Variants in CNTNAP5 observed in about 807,000 individuals in gnomAD.
CNTNAP5 encodes the protein contactin associated protein family member 5.
A neutral mutation model predicts 150.2 loss-of-function variants in CNTNAP5; 72 were observed. The ratio of observed to expected loss-of-function variants is 0.48; its 90% CI spans 0.40 to 0.58. The LOEUF (loss-of-function observed/expected upper bound fraction) is 0.58. Among genes scored for constraint, CNTNAP5 ranks in the 20% least tolerant of loss-of-function variants. The pLI, the probability that CNTNAP5 is intolerant of heterozygous loss-of-function variation, is 0.00. For synonymous variants in CNTNAP5, 672 were observed against 619.8 expected, an observed-to-expected ratio of 1.08 and a Z score of -1.25; for missense variants, 1,636 against 1,626.2, an observed-to-expected ratio of 1.01 and a Z score of -0.10.
intron 1 of CNTNAP5, among the ~76,000 whole-genome samples, chr2:124,153,870 C>G (rs903845422): frequency 5.9e-5 from 9 of 151,908 alleles, no homozygotes; most frequent in African/African-American, 2.2e-4. Flanking sequence ...GCCTCGGCCT[C>G]CAAAAGTGCT....
chr2:124,665,164 G>A (rs1678672002), intron 13 of CNTNAP5, among the ~76,000 whole-genome samples: 1 of 151,932 alleles, frequency 6.6e-6, no homozygotes, highest in African/African-American at 2.4e-5. Context: ...GAAATCAAAG[G>A]GTATATTTAC....
chr2:124,122,026 T>C (rs1683574500), intron 1 of CNTNAP5, among the ~76,000 whole-genome samples: 1 of 152,186 alleles, frequency 6.6e-6, no homozygotes, highest in African/African-American at 2.4e-5. Context: ...TCATACCAGC[T>C]AATTCATGAT....
At chr2:124,809,586 T>TA (rs58645703) in intron 19 of CNTNAP5, among the ~76,000 whole-genome samples, 1 of 150,402 alleles carries the variant, frequency 6.6e-6, no homozygotes, top group African/African-American at 2.4e-5. Context: ...ACATGATCTT[T>TA]AAAAAAAAAC....
intron 10 of CNTNAP5, among the ~76,000 whole-genome samples, chr2:124,538,589 G>A (rs1366479717): frequency 7.4e-6 from 1 of 135,912 alleles, no homozygotes; most frequent in African/African-American, 2.7e-5. Flanking sequence ...AGGAAGGAAA[G>A]AAAGAAAGGA....
Position 124,773,028 on chromosome 2 carries a change from T to A in CNTNAP5, c.2752+11T>A, listed in dbSNP as rs1477389667. The A allele has an allele frequency of 1.2e-6, 2 of 1,608,198 alleles. No individual in the cohort carries two copies. The highest frequency in any genetic ancestry group is 2.2e-5 in the East Asian group (1 of 44,826). On this transcript the variant is annotated intron_variant, in intron 17 of 23. Coordinates refer to ENST00000682447, the MANE Select transcript of CNTNAP5 (RefSeq NM_001367498.1). ...GCCAGTTGTTTGTAGGTAGGGGACATCTTAAGGCTCCTTTTGTGCTAAACC... is the reference window on the plus strand; with the variant it reads ...GCCAGTTGTTTGTAGGTAGGGGACAACTTAAGGCTCCTTTTGTGCTAAACC...
At chr2:124,724,923 CTTT>C (rs71387242) in intron 13 of CNTNAP5, among the ~76,000 whole-genome samples, 2 of 111,540 alleles carry the variant, frequency 1.8e-5, no homozygotes, top group African/African-American at 3.3e-5. Flanking sequence ...ATTCCCTTAG[CTTT>C]TTTTTTTTTT....
chr2:124,466,418 C>T (rs974167747), intron 6 of CNTNAP5, among the ~76,000 whole-genome samples: 1 of 152,072 alleles, frequency 6.6e-6, no homozygotes, highest in Admixed American at 6.6e-5. Flanking sequence ...TGTCTTCCAT[C>T]AGTCTGTTGG....
At chr2:124,853,191 C>A (rs953101116) in intron 19 of CNTNAP5, among the ~76,000 whole-genome samples, 4 of 152,172 alleles carry the variant, frequency 2.6e-5, no homozygotes, top group Non-Finnish European at 5.9e-5. Context: ...GATCAGTCAT[C>A]CCTTTGATGA....
At chr2:124,178,945 T>C (rs2104676614) in intron 1 of CNTNAP5, among the ~76,000 whole-genome samples, 1 of 149,082 alleles carries the variant, frequency 6.7e-6, no homozygotes, top group East Asian at 2.0e-4. Flanking sequence ...TTTATTTATT[T>C]ATTTATTTAT....
In CNTNAP5 at chr2:124,869,747, T is replaced by C. The variant is rs1475887395; in HGVS notation, c.3421T>C (p.Leu1141=). The part of the protein sequence containing the change: ...VEFRVIRSLT[L]GKVTENLGLD... ...GTTCAGGGTTATAAGGTCACTCACC[T>C]TGGGCAAAGTCACAGGTATGTTGTT... The change falls in exon 21 of 24, where the codon TTG becomes CTG. Residue 1141 remains leucine, a synonymous_variant. Transcript: ENST00000682447. 2 of 1,606,974 alleles carry C rather than the reference T, an allele frequency of 1.2e-6. No homozygotes were observed. The highest frequency in any genetic ancestry group is 2.7e-5 in the African/African-American group (2 of 74,882).
intron 3 of CNTNAP5, among the ~76,000 whole-genome samples, chr2:124,301,703 T>C (rs561138994): frequency 6.6e-6 from 1 of 152,300 alleles, no homozygotes; most frequent in East Asian, 1.9e-4. Context: ...ATCAGGCCTA[T>C]GATGATACTC....
chr2:124,158,851 C>A (rs997380567), intron 1 of CNTNAP5, among the ~76,000 whole-genome samples: 4 of 152,124 alleles, frequency 2.6e-5, no homozygotes, highest in African/African-American at 9.7e-5. Context: ...GAGCGCCTGG[C>A]AGGTATGGGA....
At position 124,060,167 on chromosome 2, in the gene CNTNAP5, C is replaced by A. The variant is rs190738276; in HGVS notation, c.82+34435C>A. Among the ~76,000 whole-genome samples, 196 of 152,214 alleles carry A rather than the reference C, an allele frequency of 1.3e-3. 1 individual carries two copies. The highest frequency in any genetic ancestry group is 4.3e-3 in the African/African-American group (178 of 41,524). ...AGACTTGCTACTTTGGAATCGATGA[C>A]TCCACAGAGCGTAAAGTGGAATTAA... On this transcript the variant is annotated intron_variant, in intron 1 of 23. Transcript: ENST00000682447.
chr2:124,902,909 C>G lies in CNTNAP5; in HGVS notation c.3464C>G (p.Ala1155Gly), dbSNP rs1381373925. 1.2e-6 allele frequency: 2 copies of G among 1,610,554 alleles called. No homozygotes were observed. Among genetic ancestry groups the G allele is most frequent in the African/African-American group, 2.7e-5 (2 of 75,020 alleles). The change falls in exon 22 of 24, where the codon GCT becomes GGT. Residue 1155 changes from alanine to glycine, a missense_variant. Transcript: ENST00000682447. ...AATCTTGGTTTGGATTCTGAAGTTGCTAAAGCAAATGCCATGGGTTTTGCT... is the reference window on the plus strand; with the variant it reads ...AATCTTGGTTTGGATTCTGAAGTTGGTAAAGCAAATGCCATGGGTTTTGCT... The part of the protein sequence containing the change: ...TENLGLDSEV[A>G]KANAMGFAGC...
chr2:124,206,159 A>C (rs1301329572), intron 1 of CNTNAP5, among the ~76,000 whole-genome samples: 1 of 152,214 alleles, frequency 6.6e-6, no homozygotes, highest in Admixed American at 6.5e-5. Flanking sequence ...GATTAATGCC[A>C]ATGGGCCTTG....
chr2:124,410,391 T>C (rs1421225965), intron 3 of CNTNAP5, among the ~76,000 whole-genome samples: 1 of 151,704 alleles, frequency 6.6e-6, no homozygotes, highest in South Asian at 2.1e-4. Flanking sequence ...AATAGACATG[T>C]ACAGAACTCT....
chr2:124,734,478 G>T (rs554875338), intron 13 of CNTNAP5, among the ~76,000 whole-genome samples: 1 of 152,082 alleles, frequency 6.6e-6, no homozygotes, highest in African/African-American at 2.4e-5. Context: ...TGAAGCAAAA[G>T]GGAATGGGAA....
intron 13 of CNTNAP5, among the ~76,000 whole-genome samples, chr2:124,658,696 C>A (rs1678510495): frequency 6.6e-6 from 1 of 152,084 alleles, no homozygotes; most frequent in Non-Finnish European, 1.5e-5. Flanking sequence ...GCAAGAAAAA[C>A]AATTTATTAC....
chr2:124,866,447 G>A (rs1677634582), intron 20 of CNTNAP5, among the ~76,000 whole-genome samples: 1 of 152,156 alleles, frequency 6.6e-6, no homozygotes, highest in Non-Finnish European at 1.5e-5. Flanking sequence ...GCTGTGGGAA[G>A]GCATGTGGTG....
Sources: allele counts gnomAD v4.1 joint callset (sites outside exome capture counted in the v4.1 genomes callset), GRCh38; gene constraint gnomAD v4.1.1; transcripts MANE v1.5; gene names NCBI Gene and HGNC (gene_info 2026-07-23, HGNC 2026-07-21).